The following ZBTB11 variants were observed in gnomAD, a reference collection of about 807,000 sequenced individuals.
ZBTB11 encodes the protein zinc finger and BTB domain-containing protein 11.
In ZBTB11, 68 loss-of-function variants were observed where a neutral mutation model predicts 113.1. The observed-to-expected ratio is 0.60, with a 90% CI of 0.49 to 0.74. The LOEUF (loss-of-function observed/expected upper bound fraction) is 0.74. Among genes scored for constraint, ZBTB11 ranks in the 30% least tolerant of loss-of-function variants. The pLI, the probability that ZBTB11 is intolerant of heterozygous loss-of-function variation, is 0.00. For missense variants in ZBTB11, 1,104 were observed against 1,279.4 expected, an observed-to-expected ratio of 0.86 and a Z score of 2.09; for synonymous variants, 518 against 452.6, an observed-to-expected ratio of 1.14 and a Z score of -1.83.
chr3:101,656,003 A>C, intron 7 of ZBTB11, 101 bp downstream of exon 7: 5 of 1,000,796 alleles, frequency 5.0e-6, no homozygotes, highest in Non-Finnish European at 6.8e-6. Context: ...AAAATTGAGC[A>C]CACACGACTA....
intron 3 of ZBTB11, chr3:101,670,853 T>G: frequency 2.8e-6 from 1 of 355,180 alleles, no homozygotes; most frequent in Non-Finnish European, 5.1e-6. Flanking sequence ...GTTGCACTTA[T>G]GGATTTCACT....
intron 1 of ZBTB11, among the ~76,000 whole-genome samples, chr3:101,673,599 C>T (rs1477392109): frequency 2.0e-5 from 3 of 151,982 alleles, no homozygotes; most frequent in Admixed American, 6.5e-5. Context: ...CTGCAACCTC[C>T]GCCTCCTGGG....
At chr3:101,657,527 C>T (rs190039694) in intron 6 of ZBTB11, among the ~76,000 whole-genome samples, 2 of 151,410 alleles carry the variant, frequency 1.3e-5, no homozygotes, top group South Asian at 4.2e-4. Context: ...AAACAAAAAC[C>T]TGGCAGGGTG....
At position 101,650,744 on chromosome 3, in the gene ZBTB11, G is replaced by T. The variant is rs1936687387; in HGVS notation, c.*422C>A. 6.5e-6 allele frequency: 1 copy of T among 153,318 alleles called. No homozygotes were observed. The highest frequency in any genetic ancestry group is 2.4e-5 in the African/African-American group (1 of 41,454). 9.5% of individuals were successfully genotyped at this position (153,318 alleles called of 1,614,324 possible). On this transcript the variant is annotated 3_prime_UTR_variant, in exon 11 of 11. Transcript: ENST00000312938. ...CCATAAACAGGGCAAATAAATCACA[G>T]AATCTCTATATTTTGAGAATAAAAC...
Position 101,656,133 on chromosome 3 carries a change from C to A in ZBTB11, c.2162G>T (p.Ser721Ile). Reference sequence around the variant, plus strand: ...GTGAATACTCATATGTTCTTGAAGACTCCGTTTGGTAACAAATGACTTAAC... The same window carrying A: ...GTGAATACTCATATGTTCTTGAAGAATCCGTTTGGTAACAAATGACTTAAC... ...LCVKSFVTKR[S>I]LQEHMSIHTG... is the part of the protein sequence containing the mutation. The change falls in exon 7 of 11, where the codon AGT becomes ATT. Residue 721 changes from serine to isoleucine, a missense_variant. Physicochemically the swap from Ser to Ile is moderately radical, Grantham distance 142. This residue lies in a region of ZBTB11 where 535 missense variants were observed against 518.6 expected (regional missense o/e 1.03). Coordinates refer to ENST00000312938, the MANE Select transcript of ZBTB11 (RefSeq NM_014415.4). 1 of 1,591,322 alleles carries A rather than the reference C, an allele frequency of 6.3e-7. No individual in the cohort carries two copies. The highest frequency in any genetic ancestry group is 1.1e-5 in the South Asian group (1 of 87,590).
chr3:101,657,226 C>G (rs1332194184), intron 6 of ZBTB11, among the ~76,000 whole-genome samples: 4 of 151,320 alleles, frequency 2.6e-5, no homozygotes, highest in Non-Finnish European at 5.9e-5. Context: ...ACTGGCGGAG[C>G]TGGGCAAAGT....
At chr3:101,662,176 T>A (rs756131012) in intron 5 of ZBTB11, 13 of 150,700 alleles carry the variant, frequency 8.6e-5, no homozygotes, top group Non-Finnish European at 1.6e-4. Flanking sequence ...ATATGACATT[T>A]AAAAATTTTT....
intron 1 of ZBTB11, among the ~76,000 whole-genome samples, chr3:101,676,044 C>A (rs889588847): frequency 6.6e-6 from 1 of 152,262 alleles, no homozygotes; most frequent in African/African-American, 2.4e-5. Context: ...CTCCTTATCA[C>A]TTCTGCAAAT....
intron 5 of ZBTB11, among the ~76,000 whole-genome samples, chr3:101,663,095 A>C: frequency 6.6e-6 from 1 of 152,122 alleles, no homozygotes; most frequent in South Asian, 2.1e-4. Context: ...GCTCGCCACC[A>C]TGCCTGGCTA....
intron 5 of ZBTB11, among the ~76,000 whole-genome samples, chr3:101,661,454 G>A (rs1178713628): frequency 6.6e-6 from 1 of 152,110 alleles, no homozygotes; most frequent in African/African-American, 2.4e-5. Context: ...ATAATTTTGA[G>A]ACCTAGCATG....
At chr3:101,655,493 T>C (rs1348475494) in intron 7 of ZBTB11, among the ~76,000 whole-genome samples, 1 of 152,200 alleles carries the variant, frequency 6.6e-6, no homozygotes, top group East Asian at 1.9e-4. Flanking sequence ...CCAACTACTA[T>C]GTTGACATTA....
chr3:101,666,418 G>A (rs745569443), intron 3 of ZBTB11, among the ~76,000 whole-genome samples: 17 of 152,190 alleles, frequency 1.1e-4, no homozygotes, highest in African/African-American at 2.9e-4. Context: ...ACCAATGGAC[G>A]CAGCTGTGTT....
At chr3:101,652,380 A>T in intron 10 of ZBTB11, 116 bp downstream of exon 10, 1 of 1,035,402 alleles carries the variant, frequency 9.7e-7, no homozygotes, top group Non-Finnish European at 1.4e-6. Context: ...CTGTCATTTG[A>T]ATAAAGATAT....
chr3:101,652,556 T>G lies in ZBTB11; in HGVS notation c.2584A>C (p.Lys862Gln), dbSNP rs372045250. 5.0e-6 allele frequency: 8 copies of G among 1,614,054 alleles called. No homozygotes were observed. In the African/African-American group the frequency reaches 1.1e-4, roughly 22 times the overall value. The change falls in exon 10 of 11, where the codon AAA becomes CAA. Residue 862 changes from lysine (K) to glutamine (Q), a missense_variant. Lys to Gln is a moderately conservative substitution (Grantham distance 53, BLOSUM62 1). This residue lies in a region of ZBTB11 where 148 missense variants were observed against 259.3 expected (regional missense o/e 0.57). Coordinates refer to ENST00000312938, the MANE Select transcript of ZBTB11 (RefSeq NM_014415.4). ...AGCTGAGTGAATTTTCTTCCACATT[T>G]TTCACACACCCGTTCCAGGTTTTGC... ...AKQNLERVCE[K>Q]CGRKFTQLRE... is the part of the protein sequence containing the mutation.
At chr3:101,668,530 A>G (rs781172919) in intron 3 of ZBTB11, among the ~76,000 whole-genome samples, 2 of 152,012 alleles carry the variant, frequency 1.3e-5, no homozygotes, top group Non-Finnish European at 2.9e-5. Flanking sequence ...ACGGGAGGCC[A>G]AAGCAGGAAA....
chr3:101,673,374 T>C (rs1336624738), intron 1 of ZBTB11, among the ~76,000 whole-genome samples: 1 of 152,204 alleles, frequency 6.6e-6, no homozygotes, highest in Non-Finnish European at 1.5e-5. Flanking sequence ...AAGAGCACGC[T>C]TGTCCATTCC....
Position 101,651,633 on chromosome 3 carries a change from G to C in ZBTB11, c.2695C>G (p.Arg899Gly). The C allele has an allele frequency of 6.2e-7, 1 of 1,608,352 alleles. No individual in the cohort carries two copies. Among genetic ancestry groups the C allele is most frequent in the Non-Finnish European group, 8.5e-7 (1 of 1,177,386 alleles). ...GTTCTGACATGGCGTTTTAGAGATC[G>C]GGCATCAGCCCAAGCTACTCCACAT... ...LTCGVAWADA[R>G]SLKRHVRTHT... Residue 899 changes from arginine to glycine, a missense_variant, in exon 11 of 11, where the codon CGA becomes GGA. Physicochemically the swap from Arg to Gly is moderately radical, Grantham distance 125. Transcript: ENST00000312938.
Position 101,654,772 on chromosome 3 carries a change from G to A in ZBTB11, c.2241C>T (p.Gly747=), listed in dbSNP as rs756628088. 9 of 1,614,142 alleles carry A rather than the reference G, an allele frequency of 5.6e-6. 1 individual carries two copies. The South Asian group carries it at 7.7e-5, about 14-fold the overall frequency. ...CSVCGKSFHR[G]SGLSKHFKKH... ...TCTTGAAGTGCTTGCTGAGTCCAGA[G>A]CCCCTATGAAAAGACTTTCCACAAA... The change falls in exon 8 of 11, where the codon GGC becomes GGT. Residue 747 remains glycine (G), a synonymous_variant. Transcript: ENST00000312938.
At chr3:101,667,500 A>G (rs1358232291) in intron 3 of ZBTB11, among the ~76,000 whole-genome samples, 1 of 152,242 alleles carries the variant, frequency 6.6e-6, no homozygotes, top group African/African-American at 2.4e-5. Flanking sequence ...CAAGGTATGT[A>G]AAGTGTGGTA....
Sources: gnomAD v4.1 joint callset for allele counts (sites outside exome capture counted in the v4.1 genomes callset) on GRCh38, gnomAD v4.1.1 for gene constraint, gnomAD v4.1.1 regional missense constraint, MANE v1.5 for transcripts, NCBI Gene and HGNC (gene_info 2026-07-23, HGNC 2026-07-21) for gene names.